DCC: variants seen among roughly 807,000 people sequenced by gnomAD.
The protein encoded by DCC is netrin receptor DCC.
In DCC, 58 loss-of-function variants were observed where a neutral mutation model predicts 172.5. The observed-to-expected ratio is 0.34, with a 90% CI of 0.27 to 0.42. The LOEUF (loss-of-function observed/expected upper bound fraction) is 0.42, where lower values mean the gene tolerates loss of function less well. DCC is among the 10% of genes least tolerant of loss of function. DCC has a pLI of 1.00. For synonymous variants in DCC, 709 were observed against 644.5 expected, an observed-to-expected ratio of 1.10 and a Z score of -1.52; for missense variants, 1,740 against 1,791.0, an observed-to-expected ratio of 0.97 and a Z score of 0.51.
intron 5 of DCC, among the ~76,000 whole-genome samples, chr18:52,977,692 T>C (rs1051216005): frequency 2.0e-5 from 3 of 151,970 alleles, no homozygotes; most frequent in Non-Finnish European, 4.4e-5. Context: ...GAGACCATCC[T>C]GGCTAACATG....
chr18:52,974,923 C>T (rs556898126), intron 5 of DCC, among the ~76,000 whole-genome samples: 31 of 152,204 alleles, frequency 2.0e-4, no homozygotes, highest in Middle Eastern at 3.4e-3. Flanking sequence ...ACATTTATTA[C>T]GGATATGTTA....
Position 52,464,292 on chromosome 18 carries a change from G to A in DCC, c.91+123414G>A, listed in dbSNP as rs147860192. 3.8e-3 allele frequency among the ~76,000 whole-genome samples: 583 copies of A among 152,192 alleles called. 3 individuals carry two copies. Among genetic ancestry groups the A allele is most frequent in the East Asian group, 0.03 (157 of 5,168 alleles). On this transcript the variant is annotated intron_variant, in intron 1 of 28. Transcript: ENST00000442544. ...GTATCAGTGGGTAATTTATCAAAAGGCATGTAGCTGGGGGTGGAATCAGAA... is the reference window on the plus strand; with the variant it reads ...GTATCAGTGGGTAATTTATCAAAAGACATGTAGCTGGGGGTGGAATCAGAA...
rs369830536 is a variant in DCC, at chr18:53,499,938, T to C, written c.4111+428T>C. ...AGAAATCATAATTCTAATTTGTGCC[T>C]TTCAATAGTCATTTCTCAGGAGTTC... On this transcript the variant is annotated intron_variant, in intron 27 of 28. Coordinates refer to ENST00000442544, the MANE Select transcript of DCC (RefSeq NM_005215.4). Among the ~76,000 whole-genome samples the C allele has an allele frequency of 1.3e-3, 193 of 152,316 alleles. 3 individuals carry two copies. Among genetic ancestry groups the C allele is most frequent in the Middle Eastern group, 6.8e-3 (2 of 294 alleles).
chr18:53,237,328 A>G (rs1039762860), intron 12 of DCC: 1 of 152,914 alleles, frequency 6.5e-6, no homozygotes, highest in African/African-American at 2.4e-5. Context: ...GCTATCTGCC[A>G]GTATTCTGCA....
intron 5 of DCC, among the ~76,000 whole-genome samples, chr18:53,052,851 C>T (rs904121843): frequency 8.6e-5 from 13 of 151,928 alleles, no homozygotes; most frequent in East Asian, 1.9e-4. Flanking sequence ...TCTTCTCAAT[C>T]AGAAAAGGAA....
intron 1 of DCC, among the ~76,000 whole-genome samples, chr18:52,446,573 T>C (rs1988130252): frequency 6.6e-6 from 1 of 152,218 alleles, no homozygotes; most frequent in Admixed American, 6.5e-5. Context: ...AAGAATACTT[T>C]TATAGGGCTT....
intron 1 of DCC, among the ~76,000 whole-genome samples, chr18:52,547,729 G>T (rs1282266586): frequency 1.3e-5 from 2 of 152,116 alleles, no homozygotes; most frequent in African/African-American, 4.8e-5. Flanking sequence ...ATGTTAAGGT[G>T]AAGGAACAGC....
At chr18:52,821,522 T>G (rs768013391) in intron 2 of DCC, among the ~76,000 whole-genome samples, 10 of 152,210 alleles carry the variant, frequency 6.6e-5, no homozygotes, top group Non-Finnish European at 1.2e-4. Flanking sequence ...CATTCTTGTC[T>G]CCCTTCATCA....
intron 1 of DCC, among the ~76,000 whole-genome samples, chr18:52,503,067 A>T (rs1467370349): frequency 6.6e-6 from 1 of 152,194 alleles, no homozygotes; most frequent in African/African-American, 2.4e-5. Flanking sequence ...GAGTCAAATC[A>T]AATCACAGAG....
intron 25 of DCC, among the ~76,000 whole-genome samples, chr18:53,482,769 A>C (rs1599201697): frequency 6.6e-6 from 1 of 151,992 alleles, no homozygotes; most frequent in African/African-American, 2.4e-5. Flanking sequence ...CTAGCAATCC[A>C]CTTTAATGAC....
At chr18:53,035,049 T>A (rs961865797) in intron 5 of DCC, among the ~76,000 whole-genome samples, 10 of 152,078 alleles carry the variant, frequency 6.6e-5, no homozygotes, top group East Asian at 3.9e-4. Context: ...AATTTATTGA[T>A]ATATAATAGT....
chr18:53,228,033 A>T (rs2056061757), intron 12 of DCC, among the ~76,000 whole-genome samples: 1 of 152,188 alleles, frequency 6.6e-6, no homozygotes, highest in African/African-American at 2.4e-5. Flanking sequence ...TTATGCATAG[A>T]TAAGTCTAAA....
chr18:52,580,584 G>T (rs1267231399), intron 1 of DCC, among the ~76,000 whole-genome samples: 2 of 152,050 alleles, frequency 1.3e-5, no homozygotes, highest in African/African-American at 4.8e-5. Context: ...ATTATTTTTT[G>T]CTTAGGAAAG....
Position 53,204,492 on chromosome 18 carries a change from A to G in DCC, c.1574-724A>G, listed in dbSNP as rs539151795. Among the ~76,000 whole-genome samples the G allele has an allele frequency of 5.9e-5, 9 of 152,096 alleles. No homozygotes were observed. In the East Asian group the frequency reaches 1.2e-3, roughly 20 times the overall value. Reference sequence around the variant, plus strand: ...ACCCCAGGAGTTCAAGGTTGCAGTGAGATGTGATCATGCCACTGCACTCCA... The same window carrying G: ...ACCCCAGGAGTTCAAGGTTGCAGTGGGATGTGATCATGCCACTGCACTCCA... On this transcript the variant is annotated intron_variant, in intron 9 of 28. Transcript: ENST00000442544.
At chr18:53,270,506 C>A (rs10502968) in intron 12 of DCC, among the ~76,000 whole-genome samples, 14,470 of 152,016 alleles carry the variant, frequency 0.095, 2,230 homozygotes, top group African/African-American at 0.33. Context: ...ATTAAAATGA[C>A]GGTTTTGGAA....
At chr18:53,045,505 T>C (rs901072232) in intron 5 of DCC, among the ~76,000 whole-genome samples, 1 of 151,830 alleles carries the variant, frequency 6.6e-6, no homozygotes, top group African/African-American at 2.4e-5. Flanking sequence ...TGGCCATCTA[T>C]AGCTTAATAC....
chr18:52,555,302 A>G (rs1226839992), intron 1 of DCC, among the ~76,000 whole-genome samples: 1 of 152,160 alleles, frequency 6.6e-6, no homozygotes, highest in Non-Finnish European at 1.5e-5. Flanking sequence ...ATTATCATCC[A>G]CAGTAAAAAC....
intron 1 of DCC, among the ~76,000 whole-genome samples, chr18:52,368,814 A>C (rs1353312665): frequency 6.6e-6 from 1 of 152,230 alleles, no homozygotes; most frequent in Non-Finnish European, 1.5e-5. Flanking sequence ...TTGCCCAGAC[A>C]TTATACCTTG....
In DCC at chr18:52,485,565, T is replaced by G. The variant is rs560281746; in HGVS notation, c.91+144687T>G. ...CTGGCTGTGTACTGGCATCAACAGC[T>G]TTTATCCACTCCCCACCCCAATTAC... On this transcript the variant is annotated intron_variant, in intron 1 of 28. Coordinates refer to ENST00000442544, the MANE Select transcript of DCC (RefSeq NM_005215.4). Among the ~76,000 whole-genome samples, 3 of 152,236 alleles carry G rather than the reference T, an allele frequency of 2.0e-5. No individual in the cohort carries two copies. The East Asian group carries it at 5.8e-4, about 29-fold the overall frequency.
Sources: gnomAD v4.1 joint callset for allele counts (sites outside exome capture counted in the v4.1 genomes callset) on GRCh38, gnomAD v4.1.1 for gene constraint, MANE v1.5 for transcripts, NCBI Gene and HGNC (gene_info 2026-07-23, HGNC 2026-07-21) for gene names.